Variants in PMFBP1 observed in about 807,000 individuals in gnomAD.
The protein encoded by PMFBP1 is polyamine-modulated factor 1-binding protein 1.
In PMFBP1, 131 loss-of-function variants were observed where a neutral mutation model predicts 137.8. The observed-to-expected ratio is 0.95, with a 90% CI of 0.82 to 1.10. The LOEUF (loss-of-function observed/expected upper bound fraction) is 1.10. Among genes scored for constraint, PMFBP1 ranks in the 50% least tolerant of loss-of-function variants. The pLI is 0.00. For missense variants in PMFBP1, 1,199 were observed against 1,175.4 expected (o/e 1.02, Z -0.29); for synonymous variants, 490 against 450.4 (o/e 1.09, Z -1.11).
the PMFBP1 span, among the ~76,000 whole-genome samples, chr16:72,183,749 A>G: frequency 1.3e-5 from 2 of 152,078 alleles, no homozygotes; most frequent in Admixed American, 6.5e-5. Context: ...TATACTGGGG[A>G]AAAAAATCCT....
the PMFBP1 span, among the ~76,000 whole-genome samples, chr16:72,199,305 G>A: frequency 6.6e-6 from 1 of 151,972 alleles, no homozygotes; most frequent in Non-Finnish European, 1.5e-5. Flanking sequence ...CTAAAGTGAA[G>A]ACAATGCAGA....
chr16:72,123,920 C>T (rs2042414239), intron 17 of PMFBP1, among the ~76,000 whole-genome samples: 1 of 152,160 alleles, frequency 6.6e-6, no homozygotes, highest in South Asian at 2.1e-4. Flanking sequence ...AGTGTGAAGG[C>T]ATTAAAGTGA....
At chr16:72,242,786 C>T in the PMFBP1 span, among the ~76,000 whole-genome samples, 2 of 152,170 alleles carry the variant, frequency 1.3e-5, no homozygotes, top group Non-Finnish European at 2.9e-5. Context: ...ACTTTATAAG[C>T]ATCTAAACTG....
the PMFBP1 span, among the ~76,000 whole-genome samples, chr16:72,211,172 C>T: frequency 6.6e-6 from 1 of 152,184 alleles, no homozygotes; most frequent in African/African-American, 2.4e-5. Context: ...TCTTATGAAA[C>T]AAACTAGACT....
At chr16:72,131,461 C>G (rs1297406531) in intron 10 of PMFBP1, among the ~76,000 whole-genome samples, 1 of 152,180 alleles carries the variant, frequency 6.6e-6, no homozygotes, top group African/African-American at 2.4e-5. Flanking sequence ...AGAAAAACTT[C>G]CAGCAATATC....
In PMFBP1 at chr16:72,128,686, G is replaced by C; in HGVS notation, c.2059C>G (p.Gln687Glu). 4 of 1,614,034 alleles carry C rather than the reference G, an allele frequency of 2.5e-6. No individual in the cohort carries two copies. In the South Asian group the frequency reaches 4.4e-5, roughly 18 times the overall value. The change falls in exon 14 of 21, where the codon CAG becomes GAG. Residue 687 changes from glutamine to glutamate, a missense_variant. Transcript: ENST00000237353. Reference protein sequence around the residue: ...ESSLNKYNTSQQVIQDLNKEI... With the variant: ...ESSLNKYNTSEQVIQDLNKEI... Reference sequence around the variant, plus strand: ...TTATTCAAGTCTTGGATGACTTGCTGGCTGGTGTTGTATTTGTTGAGAGAG... The same window carrying C: ...TTATTCAAGTCTTGGATGACTTGCTCGCTGGTGTTGTATTTGTTGAGAGAG...
the PMFBP1 span, among the ~76,000 whole-genome samples, chr16:72,228,871 T>G: frequency 6.6e-6 from 1 of 151,792 alleles, no homozygotes; most frequent in African/African-American, 2.4e-5. Flanking sequence ...CAACTTTATT[T>G]TAGGTTCGGG....
chr16:72,214,400 C>T, the PMFBP1 span, among the ~76,000 whole-genome samples: 1 of 152,132 alleles, frequency 6.6e-6, no homozygotes, highest in Non-Finnish European at 1.5e-5. Flanking sequence ...TGGTCTCGAT[C>T]CTCTGACATT....
chr16:72,139,328 G>T lies in PMFBP1; in HGVS notation c.879C>A (p.Tyr293Ter). ...CACACTCTTCTGAGGAGCTAGGAGG[G>T]TATCTGTGGGTGGCTGTACAGGAAG... ...DFASCTATHR[Y>*]PPSSSEECED... The change falls in exon 7 of 21, where the codon TAC (tyrosine) becomes TAA (stop). Residue 293 changes from tyrosine (Y) to a stop codon, truncating the protein, a stop_gained. Transcript: ENST00000237353. LOFTEE classifies it high-confidence loss of function. 1 of 1,614,114 alleles carries T rather than the reference G, an allele frequency of 6.2e-7. No individual in the cohort carries two copies. Among genetic ancestry groups the T allele is most frequent in the Non-Finnish European group, 8.5e-7 (1 of 1,179,962 alleles).
At chr16:72,247,797 T>C in the PMFBP1 span, among the ~76,000 whole-genome samples, 5 of 152,234 alleles carry the variant, frequency 3.3e-5, no homozygotes, top group Admixed American at 2.6e-4. Flanking sequence ...AGAGATTTTA[T>C]GTATATCTCT....
chr16:72,203,810 A>G, the PMFBP1 span, among the ~76,000 whole-genome samples: 96 of 152,300 alleles, frequency 6.3e-4, no homozygotes, highest in Non-Finnish European at 1.2e-3. Flanking sequence ...GCTAGAGTGA[A>G]TTCCCTATGA....
upstream of PMFBP1, among the ~76,000 whole-genome samples, chr16:72,175,508 C>G (rs1312467518): frequency 6.6e-6 from 1 of 152,196 alleles, no homozygotes; most frequent in Non-Finnish European, 1.5e-5. Context: ...ATGGTTGACT[C>G]CTGGCCTTAC....
At chr16:72,180,636 A>AT (rs148930185), upstream of PMFBP1, among the ~76,000 whole-genome samples, 19,882 of 151,480 alleles carry the variant, frequency 0.13, 1,767 homozygotes, top group South Asian at 0.19. Flanking sequence ...AGCCAAGGAG[A>AT]TTTTTTCCCC....
chr16:72,171,093 T>A (rs2043214091), intron 2 of PMFBP1, 104 bp downstream of exon 2: 2 of 1,344,722 alleles, frequency 1.5e-6, no homozygotes, highest in African/African-American at 1.5e-5. Context: ...CTGTCCATGA[T>A]ATTTTGTGAT....
At chr16:72,121,402 C>T (rs936437430) in intron 19 of PMFBP1, among the ~76,000 whole-genome samples, 3 of 152,318 alleles carry the variant, frequency 2.0e-5, no homozygotes, top group Middle Eastern at 3.4e-3. Flanking sequence ...ACAGCTCATC[C>T]ACATCCTGAC....
intron 3 of PMFBP1, among the ~76,000 whole-genome samples, chr16:72,157,889 G>A (rs970091823): frequency 2.0e-5 from 3 of 152,184 alleles, no homozygotes; most frequent in African/African-American, 7.2e-5. Flanking sequence ...ACAGGACATA[G>A]GATTTGCTGC....
chr16:72,177,929 T>A (rs2043264178), upstream of PMFBP1, among the ~76,000 whole-genome samples: 1 of 152,170 alleles, frequency 6.6e-6, no homozygotes, highest in African/African-American at 2.4e-5. Context: ...TCTTACTTTG[T>A]TGCCCAGGCT....
In PMFBP1 at chr16:72,150,668, G is replaced by A; in HGVS notation, c.576C>T (p.Ile192=). The A allele has an allele frequency of 6.2e-7, 1 of 1,614,080 alleles. No individual in the cohort carries two copies. The change falls in exon 5 of 21, where the codon ATC becomes ATT. Residue 192 remains isoleucine (I), a synonymous_variant. Transcript: ENST00000237353. ...RDKYQSSLSN[I]ELLECQVKML... Reference sequence around the variant, plus strand: ...TCTTCACTTGGCATTCTAGTAACTCGATGTTGCTCAGGGAAGACTGGTATT... The same window carrying A: ...TCTTCACTTGGCATTCTAGTAACTCAATGTTGCTCAGGGAAGACTGGTATT...
At chr16:72,176,093 G>T (rs1237216699), upstream of PMFBP1, among the ~76,000 whole-genome samples, 4 of 152,134 alleles carry the variant, frequency 2.6e-5, no homozygotes, top group African/African-American at 9.7e-5. Flanking sequence ...GCCAGGGTTT[G>T]GGGTTCTGCA....
Sources: allele counts gnomAD v4.1 joint callset (sites outside exome capture counted in the v4.1 genomes callset), GRCh38; gene constraint gnomAD v4.1.1; transcripts MANE v1.5; gene names NCBI Gene and HGNC (gene_info 2026-07-23, HGNC 2026-07-21).